PCNX1: variants seen among roughly 807,000 people sequenced by gnomAD.
PCNX1 encodes the protein pecanex-like protein 1.
Under a neutral mutation model 242.2 loss-of-function variants are expected in PCNX1, and 78 were observed. The observed-to-expected ratio is 0.32, with a 90% CI of 0.27 to 0.39. PCNX1 has a LOEUF of 0.39. Among genes scored for constraint, PCNX1 ranks in the 10% least tolerant of loss-of-function variants. PCNX1 has a pLI of 1.00. For synonymous variants in PCNX1, 1,024 were observed against 1,032.9 expected, an observed-to-expected ratio of 0.99 and a Z score of 0.17; for missense variants, 2,581 against 2,856.5, an observed-to-expected ratio of 0.90 and a Z score of 2.20.
intron 23 of PCNX1, among the ~76,000 whole-genome samples, chr14:71,051,162 C>CT (rs548870357): frequency 1.9e-3 from 162 of 84,602 alleles, no homozygotes; most frequent in African/African-American, 7.9e-3. Context: ...GAGCAAAACT[C>CT]TGTCTCAAAA....
intron 26 of PCNX1, among the ~76,000 whole-genome samples, chr14:71,062,882 G>T (rs2158996): frequency 6.6e-6 from 1 of 151,834 alleles, no homozygotes; most frequent in African/African-American, 2.4e-5. Flanking sequence ...TTACTGTACC[G>T]TTTCTGTGTT....
intron 7 of PCNX1, among the ~76,000 whole-genome samples, chr14:70,990,023 A>G (rs2059117106): frequency 6.6e-6 from 1 of 152,248 alleles, no homozygotes; most frequent in South Asian, 2.1e-4. Context: ...AGGTTGGAAC[A>G]GATAAACCCC....
chr14:70,970,451 A>G (rs1332907329), intron 5 of PCNX1, among the ~76,000 whole-genome samples: 1 of 152,210 alleles, frequency 6.6e-6, no homozygotes, highest in Non-Finnish European at 1.5e-5. Flanking sequence ...TGAGACCATT[A>G]CAGTGTCTCA....
chr14:70,983,545 C>T (rs925188818), intron 6 of PCNX1, among the ~76,000 whole-genome samples: 5 of 152,074 alleles, frequency 3.3e-5, no homozygotes, highest in Non-Finnish European at 5.9e-5. Flanking sequence ...CCTTGTGATC[C>T]GCCCACCTCG....
At chr14:70,946,877 A>G in intron 1 of PCNX1, 38 bp from the exon 2 acceptor site, 2 of 1,316,582 alleles carry the variant, frequency 1.5e-6, no homozygotes, top group Non-Finnish European at 2.2e-6. Flanking sequence ...GATATAAAAT[A>G]TTTTAAAATG....
At chr14:71,103,749 C>A in intron 32 of PCNX1, 80 bp downstream of exon 32, 3 of 1,388,668 alleles carry the variant, frequency 2.2e-6, no homozygotes, top group Non-Finnish European at 2.0e-6. Flanking sequence ...ACCTGGGAAG[C>A]TTGTAGAAAA....
At chr14:70,949,072 G>A (rs866849925) in intron 2 of PCNX1, among the ~76,000 whole-genome samples, 2 of 144,212 alleles carry the variant, frequency 1.4e-5, no homozygotes, top group Admixed American at 7.0e-5. Context: ...ATGTATAGAC[G>A]TGTATATATA....
chr14:70,933,541 A>G (rs1042683542), intron 1 of PCNX1, among the ~76,000 whole-genome samples: 7 of 152,220 alleles, frequency 4.6e-5, no homozygotes, highest in Non-Finnish European at 1.0e-4. Flanking sequence ...ATTTGTTTAT[A>G]TATCTATGGC....
At chr14:70,959,044 A>G (rs867275289) in intron 2 of PCNX1, among the ~76,000 whole-genome samples, 1 of 149,846 alleles carries the variant, frequency 6.7e-6, no homozygotes, top group African/African-American at 2.4e-5. Context: ...GATTATATAT[A>G]GACTATTGAC....
intron 8 of PCNX1, among the ~76,000 whole-genome samples, chr14:71,006,815 T>C (rs1160691780): frequency 6.6e-6 from 1 of 152,220 alleles, no homozygotes; most frequent in Non-Finnish European, 1.5e-5. Flanking sequence ...TAATTTCTTT[T>C]TCTGGTGTGT....
chr14:71,063,467 G>A (rs1027517068), intron 26 of PCNX1, among the ~76,000 whole-genome samples: 9 of 152,066 alleles, frequency 5.9e-5, no homozygotes, highest in African/African-American at 1.4e-4. Flanking sequence ...TGTTAGTTTC[G>A]TAGACTGATT....
chr14:71,039,749 C>G (rs117263162), intron 19 of PCNX1, among the ~76,000 whole-genome samples: 1 of 152,132 alleles, frequency 6.6e-6, no homozygotes, highest in Non-Finnish European at 1.5e-5. Flanking sequence ...TCCTAAAACC[C>G]CGAAAAGTCT....
chr14:70,938,915 G>A (rs924308385), intron 1 of PCNX1, among the ~76,000 whole-genome samples: 36 of 152,120 alleles, frequency 2.4e-4, no homozygotes, highest in African/African-American at 8.0e-4. Context: ...GCTTATTTGC[G>A]TAGACGTGTT....
intron 5 of PCNX1, among the ~76,000 whole-genome samples, chr14:70,976,370 TTC>T (rs201196651): frequency 4.0e-4 from 56 of 138,826 alleles, no homozygotes; most frequent in Non-Finnish European, 5.9e-4. Flanking sequence ...CTTTCTTTCT[TTC>T]TTTTTTTTTT....
At chr14:71,091,836 C>A (rs1595485651) in intron 30 of PCNX1, among the ~76,000 whole-genome samples, 2 of 152,178 alleles carry the variant, frequency 1.3e-5, no homozygotes, top group South Asian at 2.1e-4. Context: ...TAGTCACCTT[C>A]TGTTGCTATT....
intron 24 of PCNX1, 28 bp downstream of exon 24, chr14:71,052,040 A>C (rs759852930): frequency 1.9e-5 from 30 of 1,562,546 alleles, no homozygotes; most frequent in Non-Finnish European, 2.6e-5. Flanking sequence ...CTTGAAAAAC[A>C]ATTTTTATCT....
intron 33 of PCNX1, among the ~76,000 whole-genome samples, chr14:71,108,151 G>A (rs541082675): frequency 4.6e-5 from 7 of 152,168 alleles, no homozygotes; most frequent in East Asian, 1.9e-4. Flanking sequence ...CTGTGAGTTC[G>A]GGGTTTTCAG....
At chr14:71,109,265 G>C (rs765801162) in intron 34 of PCNX1, among the ~76,000 whole-genome samples, 187 bp from the exon 35 acceptor site, 1 of 152,194 alleles carries the variant, frequency 6.6e-6, no homozygotes, top group Admixed American at 6.5e-5. Flanking sequence ...CTGTCTCATG[G>C]ACATTGCAGT....
chr14:70,908,277 G>T (rs953851884), intron 1 of PCNX1, among the ~76,000 whole-genome samples: 1 of 152,100 alleles, frequency 6.6e-6, no homozygotes, highest in Admixed American at 6.5e-5. Context: ...CCTTCTCGGG[G>T]TTCCCTCCTG....
Sources: gnomAD v4.1 joint callset for allele counts (sites outside exome capture counted in the v4.1 genomes callset) on GRCh38, gnomAD v4.1.1 for gene constraint, MANE v1.5 for transcripts, NCBI Gene and HGNC (gene_info 2026-07-23, HGNC 2026-07-21) for gene names.